Variants in DPYSL3 observed in about 807,000 individuals in gnomAD.
DPYSL3 encodes dihydropyrimidinase-related protein 3.
In DPYSL3, 16 loss-of-function variants were observed where a neutral mutation model predicts 66.1. The ratio of observed to expected loss-of-function variants is 0.24; its 90% CI spans 0.16 to 0.37. The LOEUF (loss-of-function observed/expected upper bound fraction) is 0.37. Among genes scored for constraint, DPYSL3 ranks in the 10% least tolerant of loss-of-function variants. DPYSL3 has a pLI of 1.00. For synonymous variants in DPYSL3, 338 were observed against 345.1 expected, an observed-to-expected ratio of 0.98 and a Z score of 0.23; for missense variants, 738 against 916.2, an observed-to-expected ratio of 0.81 and a Z score of 2.51.
At chr5:147,495,953 A>C (rs1268287306) in intron 1 of DPYSL3, among the ~76,000 whole-genome samples, 5 of 152,190 alleles carry the variant, frequency 3.3e-5, no homozygotes, top group Non-Finnish European at 5.9e-5. Context: ...CAATCCGAAG[A>C]CAAAAGAACA....
At chr5:147,403,728 A>G (rs1758255316) in intron 8 of DPYSL3, among the ~76,000 whole-genome samples, 1 of 152,152 alleles carries the variant, frequency 6.6e-6, no homozygotes, top group Admixed American at 6.5e-5. Context: ...AAACCCTGCT[A>G]CACTTTGTCT....
At chr5:147,447,790 A>T (rs1301930098) in intron 1 of DPYSL3, among the ~76,000 whole-genome samples, 1 of 152,218 alleles carries the variant, frequency 6.6e-6, no homozygotes, top group Non-Finnish European at 1.5e-5. Context: ...GTGAGCTGAG[A>T]TCGCGCCACT....
chr5:147,472,321 T>A (rs953949295), intron 1 of DPYSL3, among the ~76,000 whole-genome samples: 2 of 152,124 alleles, frequency 1.3e-5, no homozygotes, highest in Non-Finnish European at 2.9e-5. Context: ...ATAATTACTA[T>A]TCTGAGATGC....
At chr5:147,497,358 A>G (rs183638313) in intron 1 of DPYSL3, among the ~76,000 whole-genome samples, 1 of 152,170 alleles carries the variant, frequency 6.6e-6, no homozygotes, top group East Asian at 1.9e-4. Flanking sequence ...TATGTAATAA[A>G]CCTGCACGTC....
intron 1 of DPYSL3, chr5:147,472,590 T>A (rs1015320290): frequency 1.4e-4 from 22 of 152,184 alleles, no homozygotes; most frequent in Admixed American, 9.8e-4. Context: ...TTTTCCATCA[T>A]GTTACAAATT....
rs373896901 is a variant in DPYSL3 at position 147,465,758 on chromosome 5, G to T, written c.382-40795C>A. ...TGGCCTTCTAGTCAAAAAAGGGGAAGAATTCTAAAGGGTTATCCCAGTATC... is the reference window on the plus strand; with the variant it reads ...TGGCCTTCTAGTCAAAAAAGGGGAATAATTCTAAAGGGTTATCCCAGTATC... On this transcript the variant is annotated intron_variant, in intron 1 of 13. Coordinates refer to ENST00000343218, the MANE Select transcript of DPYSL3 (RefSeq NM_001197294.2). Among the ~76,000 whole-genome samples, 8 of 152,202 alleles carry T rather than the reference G, an allele frequency of 5.3e-5. No individual in the cohort carries two copies. The East Asian group carries it at 1.2e-3, about 22-fold the overall frequency.
At chr5:147,396,962 GTT>G (rs1461215026) in intron 12 of DPYSL3, among the ~76,000 whole-genome samples, 1 of 131,394 alleles carries the variant, frequency 7.6e-6, no homozygotes, top group Admixed American at 7.9e-5. Context: ...ACGCATTTTT[GTT>G]TTTAATTATA....
chr5:147,452,363 C>T (rs1161306912), intron 1 of DPYSL3, among the ~76,000 whole-genome samples: 1 of 151,868 alleles, frequency 6.6e-6, no homozygotes, highest in East Asian at 1.9e-4. Context: ...AGGGCGGCTG[C>T]AGAGCCTCCC....
At chr5:147,482,054 A>T (rs1753254773) in intron 1 of DPYSL3, among the ~76,000 whole-genome samples, 1 of 152,188 alleles carries the variant, frequency 6.6e-6, no homozygotes, top group Non-Finnish European at 1.5e-5. Context: ...ACATTACCTC[A>T]TCACTCAAGA....
chr5:147,399,284 T>G (rs1391967547), intron 10 of DPYSL3, 32 bp from the exon 11 acceptor site: 1 of 1,598,268 alleles, frequency 6.3e-7, no homozygotes, highest in African/African-American at 1.3e-5. Flanking sequence ...TATCTATATC[T>G]ATAGCTACAT....
intron 8 of DPYSL3, 174 bp from the exon 9 acceptor site, chr5:147,401,870 T>C: frequency 1.5e-6 from 1 of 648,690 alleles, no homozygotes; most frequent in Non-Finnish European, 2.4e-6. Flanking sequence ...ATCTGCTAAA[T>C]GTGACCAAGT....
chr5:147,413,889 G>T (rs545651432), intron 4 of DPYSL3, among the ~76,000 whole-genome samples: 1 of 152,092 alleles, frequency 6.6e-6, no homozygotes, highest in African/African-American at 2.4e-5. Context: ...CTTCTTCTGT[G>T]CCTCTTTCTA....
chr5:147,485,858 A>G (rs1753321380), intron 1 of DPYSL3, among the ~76,000 whole-genome samples: 1 of 152,228 alleles, frequency 6.6e-6, no homozygotes, highest in African/African-American at 2.4e-5. Context: ...ATCTTCTTCC[A>G]AGGATATTTG....
chr5:147,488,385 G>C (rs1023116043), intron 1 of DPYSL3, among the ~76,000 whole-genome samples: 6 of 152,118 alleles, frequency 3.9e-5, no homozygotes, highest in Admixed American at 3.9e-4. Context: ...TGGGCTACAG[G>C]GTCATGTGGA....
At chr5:147,419,591 A>T (rs951595234) in intron 2 of DPYSL3, among the ~76,000 whole-genome samples, 7 of 152,142 alleles carry the variant, frequency 4.6e-5, no homozygotes, top group Non-Finnish European at 7.4e-5. Flanking sequence ...CCTCTATATG[A>T]CCATTAAAAA....
intron 1 of DPYSL3, among the ~76,000 whole-genome samples, chr5:147,491,615 T>TA (rs1753416290): frequency 6.6e-6 from 1 of 151,794 alleles, no homozygotes; most frequent in African/African-American, 2.4e-5. Flanking sequence ...AAAGAAATGC[T>TA]AGAGATAAAA....
intron 1 of DPYSL3, among the ~76,000 whole-genome samples, chr5:147,457,585 G>A (rs753400302): frequency 2.6e-5 from 4 of 152,206 alleles, no homozygotes; most frequent in East Asian, 1.9e-4. Flanking sequence ...TTAAGATGGC[G>A]AAGAATCACT....
chr5:147,408,669 C>A, intron 7 of DPYSL3, 59 bp downstream of exon 7: 1 of 1,566,516 alleles, frequency 6.4e-7, no homozygotes, highest in South Asian at 1.1e-5. Context: ...ACATTCTCGT[C>A]GCCTTTTAAC....
At chr5:147,405,875 C>G in intron 7 of DPYSL3, 145 bp from the exon 8 acceptor site, 1 of 998,806 alleles carries the variant, frequency 1.0e-6, no homozygotes, top group Non-Finnish European at 1.4e-6. Context: ...CCTATATCCA[C>G]ATCTCAGATC....
Sources: gnomAD v4.1 joint callset for allele counts (sites outside exome capture counted in the v4.1 genomes callset) on GRCh38, gnomAD v4.1.1 for gene constraint, MANE v1.5 for transcripts, NCBI Gene and HGNC (gene_info 2026-07-23, HGNC 2026-07-21) for gene names.